SLC8A2: variants seen among roughly 807,000 people sequenced by gnomAD.
SLC8A2 encodes sodium/calcium exchanger 2.
In SLC8A2, 14 loss-of-function variants were observed where a neutral mutation model predicts 70.2. The ratio of observed to expected loss-of-function variants is 0.20; its 90% confidence interval spans 0.13 to 0.31. The LOEUF (loss-of-function observed/expected upper bound fraction) is 0.31, where lower values mean the gene tolerates loss of function less well. Ranked by LOEUF, SLC8A2 falls within the 10% of genes least tolerant of loss-of-function variation. The pLI is 1.00. For synonymous variants in SLC8A2, 575 were observed against 594.3 expected, an observed-to-expected ratio of 0.97 and a Z score of 0.47; for missense variants, 779 against 1,320.1, an observed-to-expected ratio of 0.59 and a Z score of 6.35.
Position 47,457,192 on chromosome 19 carries a change from GC to G in SLC8A2, c.1077del (p.Leu360Ter). The G allele has an allele frequency of 6.5e-7, 1 of 1,545,382 alleles. No homozygotes were observed. The highest frequency in any genetic ancestry group is 8.7e-7 in the Non-Finnish European group (1 of 1,145,374). ...AGCACGTTCCCGGCGCCGGTCATCA[GC>G]CGCGTGGCCTGGATGCGGTAGAAGG... The part of the protein sequence containing the change: ...SRAFYRIQAT[R>X]LMTGAGNVLR... On this transcript the variant is annotated frameshift_variant, in exon 3 of 10. Transcript: ENST00000236877. LOFTEE classifies it high-confidence loss of function.
rs140276288 is a variant in SLC8A2 at position 47,458,136 on chromosome 19, G to A, written c.676-542C>T. ...CAAAGTGCTGGGATTACAGGCGTGA[G>A]CCCTGTCTCTTTGTTCATCTCTGCC... On this transcript the variant is annotated intron_variant, in intron 2 of 9. Transcript: ENST00000236877. 3.5e-3 allele frequency among the ~76,000 whole-genome samples: 534 copies of A among 152,080 alleles called. 7 individuals are homozygous for A. Among genetic ancestry groups the A allele is most frequent in the African/African-American group, 0.012 (509 of 41,490 alleles).
At chr19:47,437,315 A>C (rs1188794278) in intron 8 of SLC8A2, 147 bp downstream of exon 8, 2 of 634,842 alleles carry the variant, frequency 3.2e-6, no homozygotes, top group African/African-American at 1.9e-5. Flanking sequence ...CTCCCGCCTC[A>C]CCCTCCCAAA....
rs1267350582 is a variant in SLC8A2 at position 47,448,147 on chromosome 19, G to A, written c.1425C>T (p.Asp475=). The change falls in exon 4 of 10, where the codon GAC becomes GAT. Residue 475 remains aspartate (D), a synonymous_variant. Coordinates refer to ENST00000236877, the MANE Select transcript of SLC8A2 (RefSeq NM_015063.3). This position sits in a 1 kb window ranked among gnomAD's most constrained non-coding sequence, Gnocchi z 4.8. ...GIIDDDIFEE[D]EHFFVRLLNL... ...TCAGCAGCCGCACGAAGAAATGCTC[G>A]TCCTCCTCGAAGATGTCGTCGTCGA... 1.9e-6 allele frequency: 3 copies of A among 1,612,942 alleles called. No individual in the cohort carries two copies. Among genetic ancestry groups the A allele is most frequent in the East Asian group, 2.2e-5 (1 of 44,862 alleles).
At chr19:47,446,899 A>G (rs1472792690) in intron 4 of SLC8A2, among the ~76,000 whole-genome samples, 1 of 151,596 alleles carries the variant, frequency 6.6e-6, no homozygotes, top group Non-Finnish European at 1.5e-5. Context: ...CAATCTGTAA[A>G]CGTCTGTCTA....
At chr19:47,469,927 T>A (rs1967512465) in intron 1 of SLC8A2, among the ~76,000 whole-genome samples, 1 of 152,266 alleles carries the variant, frequency 6.6e-6, no homozygotes, top group South Asian at 2.1e-4. Context: ...AGGTCCTTGA[T>A]CAGAAGAACA....
chr19:47,454,328 C>T (rs765684264), intron 3 of SLC8A2, among the ~76,000 whole-genome samples: 20 of 152,050 alleles, frequency 1.3e-4, no homozygotes, highest in Admixed American at 1.3e-3. Flanking sequence ...AAGCAGGCCC[C>T]AATATGGTGA....
chr19:47,460,294 C>T (rs1056495102), intron 2 of SLC8A2, among the ~76,000 whole-genome samples: 1 of 152,236 alleles, frequency 6.6e-6, no homozygotes, highest in Non-Finnish European at 1.5e-5. Context: ...ATGGCTGTCT[C>T]ATCTCTTGGT....
chr19:47,453,505 G>A (rs903865077), intron 3 of SLC8A2, among the ~76,000 whole-genome samples: 7 of 152,200 alleles, frequency 4.6e-5, no homozygotes, highest in Admixed American at 3.3e-4. Context: ...GCCAGGCCTC[G>A]AATGTCTTCC....
chr19:47,467,836 CAAAAAAAA>C (rs35745146), intron 1 of SLC8A2, among the ~76,000 whole-genome samples: 53 of 38,398 alleles, frequency 1.4e-3, no homozygotes, highest in Non-Finnish European at 1.8e-3. Flanking sequence ...TCTAAAAATA[CAAAAAAAA>C]AAAAAAAAAA....
At chr19:47,455,616 C>A (rs534122473) in intron 3 of SLC8A2, among the ~76,000 whole-genome samples, 1 of 152,174 alleles carries the variant, frequency 6.6e-6, no homozygotes, top group African/African-American at 2.4e-5. Flanking sequence ...CTGTTCAAAG[C>A]ATGATGTAGG....
chr19:47,457,155 G>A lies in SLC8A2; in HGVS notation c.1115C>T (p.Ala372Val). The A allele has an allele frequency of 6.5e-7, 1 of 1,542,304 alleles. No homozygotes were observed. Among genetic ancestry groups the A allele is most frequent in the Non-Finnish European group, 8.7e-7 (1 of 1,144,006 alleles). Reference protein sequence around the residue: ...TGAGNVLRRHAADASRRAAPA... With the variant: ...TGAGNVLRRHVADASRRAAPA... ...CGCCGCCCTGCGCGAGGCGTCCGCCGCGTGTCTGCGCAGCACGTTCCCGGC... is the reference window on the plus strand; with the variant it reads ...CGCCGCCCTGCGCGAGGCGTCCGCCACGTGTCTGCGCAGCACGTTCCCGGC... The change falls in exon 3 of 10, where the codon GCG becomes GTG. Residue 372 changes from alanine to valine, a missense_variant. Physicochemically the swap from Ala to Val is moderately conservative, Grantham distance 64. Coordinates refer to ENST00000236877, the MANE Select transcript of SLC8A2 (RefSeq NM_015063.3).
rs1281899078 is a variant in SLC8A2, at chr19:47,447,696, C to A, written c.1763+113G>T. ...GGCCCCTCCCCTCCCGAGGCCCAACCAAGACCCGCCCACTATGTGGGCATG... is the reference window on the plus strand; with the variant it reads ...GGCCCCTCCCCTCCCGAGGCCCAACAAAGACCCGCCCACTATGTGGGCATG... On this transcript the variant is annotated intron_variant, in intron 4 of 9. Transcript: ENST00000236877. This position sits in a 1 kb window ranked among gnomAD's most constrained non-coding sequence, Gnocchi z 5.1. 3.3e-6 allele frequency: 4 copies of A among 1,215,412 alleles called. No homozygotes were observed. The highest frequency in any genetic ancestry group is 1.6e-5 in the South Asian group (1 of 61,148). The allele number at this position is 1,215,412 out of a possible 1,614,324, so 75.3% of individuals were successfully genotyped here. A position where few individuals can be genotyped will look rare whatever the true frequency, so the allele number is the denominator to read the frequency against.
chr19:47,462,075 C>T (rs1039267448), intron 2 of SLC8A2, among the ~76,000 whole-genome samples: 1 of 152,088 alleles, frequency 6.6e-6, no homozygotes, highest in African/African-American at 2.4e-5. Flanking sequence ...TCCCACATGC[C>T]GGCTCATTTC....
At chr19:47,460,576 A>G (rs1038886634) in intron 2 of SLC8A2, among the ~76,000 whole-genome samples, 2 of 152,078 alleles carry the variant, frequency 1.3e-5, no homozygotes, top group African/African-American at 2.4e-5. Context: ...GTGCATCTGT[A>G]GTCCCAGTTA....
chr19:47,430,059 G>A lies in SLC8A2; in HGVS notation c.*30C>T, dbSNP rs1966932427. ...GCAGCCGAGTCCCTAGCCCCGGGCGGGCGGTGGGGACGAGTCTCTGCGCGA... is the reference window on the plus strand; with the variant it reads ...GCAGCCGAGTCCCTAGCCCCGGGCGAGCGGTGGGGACGAGTCTCTGCGCGA... On this transcript the variant is annotated 3_prime_UTR_variant, in exon 10 of 10. Transcript: ENST00000236877. This position sits in a 1 kb window ranked among gnomAD's most constrained non-coding sequence, Gnocchi z 5.9. 1.3e-6 allele frequency: 2 copies of A among 1,555,702 alleles called. No homozygotes were observed. Among genetic ancestry groups the A allele is most frequent in the Non-Finnish European group, 1.7e-6 (2 of 1,149,876 alleles).
rs996131332 is a variant in SLC8A2, at chr19:47,447,700, A to T, written c.1763+109T>A. On this transcript the variant is annotated intron_variant, in intron 4 of 9. Transcript: ENST00000236877. This position sits in a 1 kb window ranked among gnomAD's most constrained non-coding sequence, Gnocchi z 5.1. ...CCTCCCCTCCCGAGGCCCAACCAAG[A>T]CCCGCCCACTATGTGGGCATGGCTC... 163 of 1,183,566 alleles carry T rather than the reference A, an allele frequency of 1.4e-4. No homozygotes were observed. The highest frequency in any genetic ancestry group is 1.8e-4 in the Non-Finnish European group (160 of 894,924). The allele number at this position is 1,183,566 out of a possible 1,614,324, so 73.3% of individuals were successfully genotyped here. A position where few individuals can be genotyped will look rare whatever the true frequency, so the allele number is the denominator to read the frequency against.
In SLC8A2 at chr19:47,447,950, A is replaced by G; in HGVS notation, c.1622T>C (p.Val541Ala). The part of the protein sequence containing the change: ...LLHVSECMGT[V>A]DVRVVRSSGA... The stretch of plus-strand genomic sequence containing the variant: ...CGAGCTGCGCACGACGCGCACGTCC[A>G]CGGTGCCCATGCACTCGCTCACGTG... The change falls in exon 4 of 10, where the codon GTG (valine) becomes GCG (alanine). Residue 541 changes from valine to alanine, a missense_variant. This residue lies in a region of SLC8A2 where 247 missense variants were observed against 362.8 expected (regional missense o/e 0.68). Coordinates refer to ENST00000236877, the MANE Select transcript of SLC8A2 (RefSeq NM_015063.3). The surrounding 1 kb of genome is among the most constrained non-coding windows in gnomAD (Gnocchi z 5.1). 1.9e-6 allele frequency: 3 copies of G among 1,562,092 alleles called. No homozygotes were observed. The highest frequency in any genetic ancestry group is 2.6e-6 in the Non-Finnish European group (3 of 1,153,362).
rs143323410 is a variant in SLC8A2, at chr19:47,443,589, C to T, written c.1764-2149G>A. Among the ~76,000 whole-genome samples, 44 of 152,324 alleles carry T rather than the reference C, an allele frequency of 2.9e-4. 1 individual carries two copies. The Middle Eastern group carries it at 0.01, about 35-fold the overall frequency. On this transcript the variant is annotated intron_variant, in intron 4 of 9. Transcript: ENST00000236877. ...GGCAAGACTGCATGGACCAGATGCCCGTCAGTTAGCACGACTCCCCCACCA... is the reference window on the plus strand; with the variant it reads ...GGCAAGACTGCATGGACCAGATGCCTGTCAGTTAGCACGACTCCCCCACCA...
intron 1 of SLC8A2, among the ~76,000 whole-genome samples, chr19:47,471,136 A>G (rs755157413): frequency 2.2e-4 from 32 of 145,340 alleles, no homozygotes; most frequent in East Asian, 7.9e-4. Context: ...GGAGGGAGGG[A>G]GAGAGAGAGA....
Sources: gnomAD v4.1 joint callset for allele counts (sites outside exome capture counted in the v4.1 genomes callset) on GRCh38, gnomAD v4.1.1 for gene constraint, gnomAD v4.1.1 regional missense constraint, Gnocchi (gnomAD v3.1) non-coding constraint, MANE v1.5 for transcripts, NCBI Gene and HGNC (gene_info 2026-07-23, HGNC 2026-07-21) for gene names.